The following KLHL2 variants were observed in gnomAD, a reference collection of about 807,000 sequenced individuals.
KLHL2 encodes kelch like family member 2, also known as kelch-like protein 2.
KLHL2 carries 15 observed loss-of-function variants against 75.8 expected under a neutral mutation model. That is an observed-to-expected ratio of 0.20 (90% CI 0.13 to 0.30). KLHL2 has a LOEUF of 0.30. Ranked by LOEUF, KLHL2 falls within the 10% of genes least tolerant of loss-of-function variation. The pLI is 1.00. For synonymous variants in KLHL2, 214 were observed against 251.9 expected (o/e 0.85, Z 1.42); for missense variants, 381 against 741.0 (o/e 0.51, Z 5.64).
intron 8 of KLHL2, among the ~76,000 whole-genome samples, chr4:165,300,734 TA>T (rs1745287931): frequency 1.3e-5 from 2 of 152,194 alleles, no homozygotes; most frequent in Admixed American, 1.3e-4. Flanking sequence ...ATAAAGACTT[TA>T]TTTATGTATT....
At chr4:165,307,260 ACC>A (rs1745805364) in intron 9 of KLHL2, among the ~76,000 whole-genome samples, 2 of 152,182 alleles carry the variant, frequency 1.3e-5, no homozygotes, top group Admixed American at 6.5e-5. Flanking sequence ...GTGAGCCAAG[ACC>A]TCGCCACTGC....
chr4:165,229,019 A>T (rs1738674341), intron 3 of KLHL2, 106 bp downstream of exon 3: 1 of 636,574 alleles, frequency 1.6e-6, no homozygotes, highest in Non-Finnish European at 2.8e-6. Context: ...TGAAATGAAG[A>T]ATTATAGTGG....
chr4:165,308,692 T>A (rs971615883), intron 9 of KLHL2, among the ~76,000 whole-genome samples: 1 of 152,224 alleles, frequency 6.6e-6, no homozygotes, highest in Non-Finnish European at 1.5e-5. Flanking sequence ...GTAGTGTTAT[T>A]TTGTGGGTAG....
At chr4:165,222,132 A>G (rs1738046096) in intron 2 of KLHL2, among the ~76,000 whole-genome samples, 1 of 152,070 alleles carries the variant, frequency 6.6e-6, no homozygotes, top group South Asian at 2.1e-4. Context: ...ACTGCAGGGA[A>G]GGTAACACCA....
At position 165,279,630 on chromosome 4, in the gene KLHL2, T is replaced by C. The variant is rs1248306875; in HGVS notation, c.545-14729T>C. On this transcript the variant is annotated intron_variant, in intron 5 of 14. Transcript: ENST00000226725. ...CCCACCAATGGCCCCAAAACTGCCT[T>C]CTTTGAGGCTGCCATGAAACCAGCT... 2.5e-6 allele frequency: 4 copies of C among 1,611,344 alleles called. No individual in the cohort carries two copies. The South Asian group carries it at 3.3e-5, about 13-fold the overall frequency.
intron 4 of KLHL2, among the ~76,000 whole-genome samples, chr4:165,250,692 A>G (rs1217162671): frequency 6.6e-6 from 1 of 152,240 alleles, no homozygotes; most frequent in Non-Finnish European, 1.5e-5. Flanking sequence ...AATGCTCTAT[A>G]AATGTTGAGC....
intron 5 of KLHL2, among the ~76,000 whole-genome samples, chr4:165,293,700 T>A (rs1744693557): frequency 6.8e-6 from 1 of 147,350 alleles, no homozygotes; most frequent in African/African-American, 2.5e-5. Context: ...GTATTTTTAG[T>A]AGAGACGGGG....
intron 5 of KLHL2, among the ~76,000 whole-genome samples, chr4:165,263,632 C>T (rs1381631572): frequency 1.3e-5 from 2 of 148,526 alleles, no homozygotes; most frequent in African/African-American, 5.0e-5. Context: ...GAGACGGAGT[C>T]TTGCCCTGTC....
chr4:165,226,057 A>G (rs1230750923), intron 2 of KLHL2, among the ~76,000 whole-genome samples: 1 of 152,218 alleles, frequency 6.6e-6, no homozygotes, highest in Non-Finnish European at 1.5e-5. Context: ...TGAGGTGTTC[A>G]GGTGTAATTC....
rs1741831925 is a variant in KLHL2 at position 165,263,108 on chromosome 4, G to A, written c.382-89G>A. On this transcript the variant is annotated intron_variant, in intron 4 of 14. Coordinates refer to ENST00000226725, the MANE Select transcript of KLHL2 (RefSeq NM_007246.4). ...GTATGGACGCAGATAATAAACTATG[G>A]CTGAACATCTTGTGTCCTATGTAGA... The A allele has an allele frequency of 4.2e-6, 5 of 1,180,284 alleles. No homozygotes were observed. In the South Asian group the frequency reaches 7.0e-5, roughly 17 times the overall value. The allele number at this position is 1,180,284 out of a possible 1,614,324, so 73.1% of individuals were successfully genotyped here.
intron 5 of KLHL2, among the ~76,000 whole-genome samples, chr4:165,285,909 A>G (rs1256915731): frequency 6.6e-6 from 1 of 152,214 alleles, no homozygotes; most frequent in African/African-American, 2.4e-5. Flanking sequence ...GAGGTCACTG[A>G]AACGGTTTGA....
chr4:165,247,040 C>T (rs1480700768), intron 4 of KLHL2, among the ~76,000 whole-genome samples: 1 of 152,156 alleles, frequency 6.6e-6, no homozygotes, highest in Non-Finnish European at 1.5e-5. Context: ...GAAGAAGGTG[C>T]TTCAAGGAGA....
intron 5 of KLHL2, chr4:165,279,740 CCGCG>C: frequency 1.1e-6 from 1 of 922,584 alleles, no homozygotes; most frequent in Non-Finnish European, 1.8e-6. Context: ...AAGAGCGAGG[CCGCG>C]CGAGTCCGCT....
intron 4 of KLHL2, among the ~76,000 whole-genome samples, chr4:165,258,395 C>CAAAAAA (rs56083222): frequency 9.5e-6 from 1 of 105,554 alleles, no homozygotes; most frequent in East Asian, 3.7e-4. Context: ...TTAACTATGA[C>CAAAAAA]AAAAAAAAAA....
intron 14 of KLHL2, among the ~76,000 whole-genome samples, chr4:165,320,129 C>T (rs1476817881): frequency 7.1e-6 from 1 of 140,382 alleles, no homozygotes; most frequent in Non-Finnish European, 1.7e-5. Flanking sequence ...TCTGCCTGAA[C>T]AAGTTTTTAA....
intron 5 of KLHL2, among the ~76,000 whole-genome samples, chr4:165,267,296 C>A (rs368733873): frequency 6.6e-6 from 1 of 152,128 alleles, no homozygotes; most frequent in East Asian, 1.9e-4. Flanking sequence ...AACTGAATAC[C>A]CTTTATTTCT....
At chr4:165,267,093 G>A (rs566896607) in intron 5 of KLHL2, among the ~76,000 whole-genome samples, 18 of 152,260 alleles carry the variant, frequency 1.2e-4, no homozygotes, top group African/African-American at 3.9e-4. Flanking sequence ...TTGTGAATGG[G>A]AGTTTGCTCA....
At chr4:165,289,036 TC>T (rs1744306487) in intron 5 of KLHL2, among the ~76,000 whole-genome samples, 1 of 152,282 alleles carries the variant, frequency 6.6e-6, no homozygotes, top group African/African-American at 2.4e-5. Flanking sequence ...TTGCCTTTCT[TC>T]CTATAGAATT....
At chr4:165,240,582 A>G (rs1357075372) in intron 4 of KLHL2, 1 of 150,720 alleles carries the variant, frequency 6.6e-6, no homozygotes, top group Non-Finnish European at 1.5e-5. Context: ...GGTATATGTC[A>G]TGAGATCACT....
Sources: allele counts gnomAD v4.1 joint callset (sites outside exome capture counted in the v4.1 genomes callset), GRCh38; gene constraint gnomAD v4.1.1; transcripts MANE v1.5; gene names NCBI Gene and HGNC (gene_info 2026-07-23, HGNC 2026-07-21).